BCL2: variants seen among roughly 807,000 people sequenced by gnomAD.
BCL2 encodes BCL2 apoptosis regulator, also known as apoptosis regulator Bcl-2.
In BCL2, 1 loss-of-function variant was observed where a neutral mutation model predicts 14.2. That is an observed-to-expected ratio of 0.07 (90% CI 0.02 to 0.33). The LOEUF (loss-of-function observed/expected upper bound fraction) is 0.33, where lower values mean the gene tolerates loss of function less well. Ranked by LOEUF, BCL2 falls within the 10% of genes least tolerant of loss-of-function variation. The pLI, the probability that BCL2 is intolerant of heterozygous loss-of-function variation, is 0.99. For missense variants in BCL2, 247 were observed against 305.9 expected (o/e 0.81, Z 1.44); for synonymous variants, 151 against 137.2 (o/e 1.10, Z -0.70).
intron 2 of BCL2, among the ~76,000 whole-genome samples, chr18:63,243,599 T>C (rs1331856129): frequency 6.6e-6 from 1 of 152,192 alleles, no homozygotes; most frequent in East Asian, 1.9e-4. Flanking sequence ...GGAGGGGTAA[T>C]GTCCCAGGGT....
chr18:63,160,779 G>A (rs961229022), intron 2 of BCL2, among the ~76,000 whole-genome samples: 1 of 131,412 alleles, frequency 7.6e-6, no homozygotes, highest in Admixed American at 7.5e-5. Context: ...GCGGGGCTGC[G>A]AGAAAAAAGC....
intron 2 of BCL2, among the ~76,000 whole-genome samples, chr18:63,212,302 TG>T (rs1910045785): frequency 1.3e-5 from 2 of 151,570 alleles, no homozygotes; most frequent in South Asian, 4.2e-4. Flanking sequence ...CACTCCAGCC[TG>T]GGCGACAGAG....
chr18:63,286,609 T>C (rs1000313852), intron 2 of BCL2, among the ~76,000 whole-genome samples: 10 of 152,128 alleles, frequency 6.6e-5, no homozygotes, highest in Admixed American at 2.0e-4. Context: ...CACCAAACTC[T>C]GTAGCTTGGT....
chr18:63,220,484 T>A (rs996875464), intron 2 of BCL2, among the ~76,000 whole-genome samples: 6 of 152,216 alleles, frequency 3.9e-5, no homozygotes, highest in African/African-American at 1.4e-4. Context: ...TGGGGCAGAA[T>A]CCAGGCTTCC....
chr18:63,249,322 C>T (rs1009405494), intron 2 of BCL2, among the ~76,000 whole-genome samples: 1 of 152,210 alleles, frequency 6.6e-6, no homozygotes, highest in Non-Finnish European at 1.5e-5. Context: ...TAACACCCTA[C>T]TGTTAATCTC....
intron 2 of BCL2, among the ~76,000 whole-genome samples, chr18:63,220,668 G>A (rs1910365764): frequency 6.6e-6 from 1 of 152,148 alleles, no homozygotes; most frequent in South Asian, 2.1e-4. Flanking sequence ...AACAATTAAA[G>A]AGGATCAGAT....
At chr18:63,190,615 G>T (rs1489189994) in intron 2 of BCL2, among the ~76,000 whole-genome samples, 1 of 152,220 alleles carries the variant, frequency 6.6e-6, no homozygotes, top group Admixed American at 6.5e-5. Context: ...CTTCCTGAGG[G>T]TCAAGCCCCT....
intron 2 of BCL2, among the ~76,000 whole-genome samples, chr18:63,184,061 A>C (rs186297241): frequency 7.2e-5 from 11 of 152,344 alleles, no homozygotes; most frequent in Admixed American, 7.2e-4. Flanking sequence ...CCAATCCTGA[A>C]GTGTTTGATT....
intron 2 of BCL2, among the ~76,000 whole-genome samples, chr18:63,294,916 T>C (rs570086738): frequency 5.9e-5 from 9 of 152,068 alleles, no homozygotes; most frequent in Non-Finnish European, 1.3e-4. Context: ...ATCCCAGAAC[T>C]TTGGGAGGCC....
At chr18:63,289,427 C>T (rs188473698) in intron 2 of BCL2, among the ~76,000 whole-genome samples, 2 of 152,202 alleles carry the variant, frequency 1.3e-5, no homozygotes, top group Admixed American at 1.3e-4. Flanking sequence ...GATGTAAAAA[C>T]AGCAGGAAAA....
intron 1 of BCL2, 65 bp from the exon 2 acceptor site, chr18:63,319,017 G>A (rs1913608545): frequency 1.7e-6 from 2 of 1,165,342 alleles, no homozygotes; most frequent in South Asian, 2.8e-5. Flanking sequence ...TGTACACACT[G>A]AGTGAAAGCA....
At position 63,127,709 on chromosome 18, in the gene BCL2, C is replaced by G. The variant is rs563834758; in HGVS notation, c.*916G>C. 8.8e-6 allele frequency: 2 copies of G among 227,088 alleles called. No individual in the cohort carries two copies. The highest frequency in any genetic ancestry group is 4.4e-5 in the African/African-American group (2 of 44,988). The allele number at this position is 227,088 out of a possible 1,614,324, so 14.1% of individuals were successfully genotyped here. ...GGCCTGATGCTCTGGGTAACTCTAG[C>G]CTTCCTGATGCGGAAGTCACCGAAA... On this transcript the variant is annotated 3_prime_UTR_variant, in exon 3 of 3. Coordinates refer to ENST00000333681, the MANE Select transcript of BCL2 (RefSeq NM_000633.3).
chr18:63,169,250 TTC>T (rs1218543630), intron 2 of BCL2, among the ~76,000 whole-genome samples: 1 of 37,624 alleles, frequency 2.7e-5, no homozygotes, highest in Non-Finnish European at 4.7e-5. Context: ...CTTCGTGTTT[TTC>T]TTTCTTTCTT....
rs1913969812 is a variant in BCL2 at position 63,128,374 on chromosome 18, C to CT, written c.*250dup. Reference sequence around the variant, plus strand: ...ATGGGACTGTCTTAAATAAATAAATCTTTTTTTCTTAATAATGTAAAAAAT... The same window carrying CT: ...ATGGGACTGTCTTAAATAAATAAATCTTTTTTTTCTTAATAATGTAAAAAAT... On this transcript the variant is annotated 3_prime_UTR_variant, in exon 3 of 3. Coordinates refer to ENST00000333681, the MANE Select transcript of BCL2 (RefSeq NM_000633.3). The CT allele has an allele frequency of 5.4e-6, 2 of 369,950 alleles. No homozygotes were observed. Among genetic ancestry groups the CT allele is most frequent in the East Asian group, 4.1e-5 (1 of 24,162 alleles). The allele number at this position is 369,950 out of a possible 1,614,324, so 22.9% of individuals were successfully genotyped here.
chr18:63,284,949 C>T (rs190305082), intron 2 of BCL2, among the ~76,000 whole-genome samples: 86 of 152,108 alleles, frequency 5.7e-4, no homozygotes, highest in Non-Finnish European at 7.9e-4. Context: ...CAAGGGCAGA[C>T]GCCAGGAAAA....
chr18:63,169,560 T>C (rs1217285356), intron 2 of BCL2, among the ~76,000 whole-genome samples: 2 of 146,824 alleles, frequency 1.4e-5, no homozygotes, highest in Non-Finnish European at 3.0e-5. Context: ...TCTCGCTCTG[T>C]CACCCAGGCT....
chr18:63,231,026 C>T (rs889731687), intron 2 of BCL2, among the ~76,000 whole-genome samples: 10 of 151,780 alleles, frequency 6.6e-5, no homozygotes, highest in African/African-American at 1.2e-4. Flanking sequence ...AATAAATATA[C>T]GGAATGTGTG....
chr18:63,135,202 T>G (rs538580519), intron 2 of BCL2, among the ~76,000 whole-genome samples: 2 of 152,300 alleles, frequency 1.3e-5, no homozygotes, highest in South Asian at 2.1e-4. Context: ...CTGGTTAGAA[T>G]GCTGGCAAGC....
intron 2 of BCL2, among the ~76,000 whole-genome samples, chr18:63,135,699 T>C (rs1363830896): frequency 6.6e-6 from 1 of 152,170 alleles, no homozygotes; most frequent in Non-Finnish European, 1.5e-5. Context: ...CCTCCGTCAA[T>C]TGTCCCTGCT....
Sources: allele counts gnomAD v4.1 joint callset (sites outside exome capture counted in the v4.1 genomes callset), GRCh38; gene constraint gnomAD v4.1.1; transcripts MANE v1.5; gene names NCBI Gene and HGNC (gene_info 2026-07-23, HGNC 2026-07-21).